The following ANKRD44 variants were observed in gnomAD, a reference collection of about 807,000 sequenced individuals.
ANKRD44 encodes ankyrin repeat domain 44, also known as serine/threonine-protein phosphatase 6 regulatory ankyrin repeat subunit B.
A neutral mutation model predicts 116.0 loss-of-function variants in ANKRD44; 35 were observed. That is an observed-to-expected ratio of 0.30 (90% confidence interval 0.23 to 0.40). The LOEUF is 0.40. ANKRD44 is among the 10% of genes least tolerant of loss of function. ANKRD44 has a pLI of 1.00. For missense variants in ANKRD44, 1,014 were observed against 1,242.6 expected (o/e 0.82, Z 2.77); for synonymous variants, 435 against 461.8 (o/e 0.94, Z 0.74).
chr2:197,141,195 C>T (rs1183245672), intron 3 of ANKRD44, among the ~76,000 whole-genome samples: 2 of 151,990 alleles, frequency 1.3e-5, no homozygotes, highest in Admixed American at 1.3e-4. Flanking sequence ...CCAGCCTGGG[C>T]GACAGAGCAA....
chr2:197,050,478 AG>A (rs2077086485), intron 16 of ANKRD44, among the ~76,000 whole-genome samples: 1 of 151,340 alleles, frequency 6.6e-6, no homozygotes, highest in Admixed American at 6.6e-5. Context: ...GCTGGAGTGC[AG>A]GGGTGTGATC....
intron 1 of ANKRD44, among the ~76,000 whole-genome samples, chr2:197,247,198 C>T (rs1295379797): frequency 6.6e-6 from 1 of 152,190 alleles, no homozygotes; most frequent in Non-Finnish European, 1.5e-5. Context: ...CAGGAAGTCT[C>T]ATCTCTGAAC....
At chr2:197,069,413 C>T (rs1387600506) in intron 16 of ANKRD44, among the ~76,000 whole-genome samples, 3 of 152,102 alleles carry the variant, frequency 2.0e-5, no homozygotes, top group Admixed American at 6.6e-5. Flanking sequence ...CAAACCTGCA[C>T]GTTGTGCACA....
intron 1 of ANKRD44, among the ~76,000 whole-genome samples, chr2:197,213,480 C>G (rs1675827230): frequency 6.6e-6 from 1 of 152,248 alleles, no homozygotes; most frequent in Non-Finnish European, 1.5e-5. Flanking sequence ...ACACATTTAA[C>G]CTTACCTAAA....
intron 16 of ANKRD44, among the ~76,000 whole-genome samples, chr2:197,040,783 A>C (rs183704279): frequency 6.6e-6 from 1 of 152,330 alleles, no homozygotes; most frequent in Admixed American, 6.5e-5. Flanking sequence ...GACATGAACC[A>C]GTTTTGTATC....
chr2:197,271,067 A>G (rs1313622004), intron 1 of ANKRD44, among the ~76,000 whole-genome samples: 2 of 152,228 alleles, frequency 1.3e-5, no homozygotes, highest in Non-Finnish European at 2.9e-5. Context: ...TGCTACTGCC[A>G]TCTTGAAATT....
At chr2:197,204,793 A>G (rs1296350876) in intron 1 of ANKRD44, among the ~76,000 whole-genome samples, 1 of 152,196 alleles carries the variant, frequency 6.6e-6, no homozygotes, top group East Asian at 1.9e-4. Context: ...GAAAAGAAAA[A>G]CCTTTGAAGG....
intron 2 of ANKRD44, among the ~76,000 whole-genome samples, chr2:197,180,410 C>T (rs1417449813): frequency 1.3e-5 from 2 of 152,288 alleles, no homozygotes; most frequent in African/African-American, 4.8e-5. Context: ...CTGCAGGGTG[C>T]TTGATGAGAG....
chr2:197,110,695 C>T, intron 9 of ANKRD44, 71 bp downstream of exon 9: 1 of 1,245,548 alleles, frequency 8.0e-7, no homozygotes, highest in Non-Finnish European at 1.2e-6. Flanking sequence ...CTTTCATATG[C>T]AGGTGACTGA....
At chr2:197,248,981 C>T (rs2082258130) in intron 1 of ANKRD44, among the ~76,000 whole-genome samples, 1 of 152,084 alleles carries the variant, frequency 6.6e-6, no homozygotes, top group Non-Finnish European at 1.5e-5. Context: ...TTATGAAAAT[C>T]CCACTAGCTG....
At chr2:197,285,057 T>C (rs1280955422) in intron 1 of ANKRD44, among the ~76,000 whole-genome samples, 1 of 151,670 alleles carries the variant, frequency 6.6e-6, no homozygotes, top group Non-Finnish European at 1.5e-5. Context: ...TCTAGAAGGC[T>C]CCCTAAAAGA....
At position 197,174,647 on chromosome 2, in the gene ANKRD44, G is replaced by A. The variant is rs72926669; in HGVS notation, c.111+12376C>T. Among the ~76,000 whole-genome samples, 715 of 152,322 alleles carry A rather than the reference G, an allele frequency of 4.7e-3. 2 individuals carry two copies. The highest frequency in any genetic ancestry group is 0.014 in the Middle Eastern group (4 of 294). On this transcript the variant is annotated intron_variant, in intron 2 of 27. Transcript: ENST00000282272. ...AGGCGGGGAGGGAGGTGATGTGTCA[G>A]GGAGATTAAAAGAGGCTTCAGCTCT...
At chr2:197,013,412 A>G in intron 18 of ANKRD44, 99 bp downstream of exon 18, 1 of 1,334,104 alleles carries the variant, frequency 7.5e-7, no homozygotes, top group South Asian at 1.4e-5. Flanking sequence ...GAAAATTGAT[A>G]TTTAAAAAAC....
intron 1 of ANKRD44, among the ~76,000 whole-genome samples, chr2:197,192,304 T>G (rs1314745558): frequency 6.6e-6 from 1 of 152,194 alleles, no homozygotes; most frequent in African/African-American, 2.4e-5. Flanking sequence ...TGCTCCAGCA[T>G]TTCATTCTAG....
Position 197,013,532 on chromosome 2 carries a change from T to C in ANKRD44, c.1903A>G (p.Arg635Gly). Residue 635 changes from arginine (R) to glycine (G), a missense_variant, in exon 18 of 28, where the codon AGA (arginine) becomes GGA (glycine). Physicochemically the swap from Arg to Gly is moderately radical, Grantham distance 125 (BLOSUM62 -2). Coordinates refer to ENST00000282272, the MANE Select transcript of ANKRD44 (RefSeq NM_001195144.2). ...SIFVKDNVTK[R>G]TPLHASVING... ...CTACCTGAGGCATGAAGTGGGGTTC[T>C]TTTGGTTACATTGTCTTTCACAAAG... The C allele has an allele frequency of 6.2e-7, 1 of 1,614,244 alleles. No individual in the cohort carries two copies. The highest frequency in any genetic ancestry group is 8.5e-7 in the Non-Finnish European group (1 of 1,180,042).
chr2:197,183,760 C>T (rs1183237245), intron 2 of ANKRD44, among the ~76,000 whole-genome samples: 1 of 151,754 alleles, frequency 6.6e-6, no homozygotes, highest in Non-Finnish European at 1.5e-5. Context: ...CTCAGGCCCT[C>T]CTTGTGTTCT....
chr2:197,224,686 T>C (rs555860796), intron 1 of ANKRD44, among the ~76,000 whole-genome samples: 2 of 152,356 alleles, frequency 1.3e-5, no homozygotes, highest in South Asian at 4.1e-4. Flanking sequence ...TAACACCCAA[T>C]ATATCTATTT....
At chr2:197,276,958 C>T (rs995735636) in intron 1 of ANKRD44, among the ~76,000 whole-genome samples, 2 of 147,536 alleles carry the variant, frequency 1.4e-5, no homozygotes, top group East Asian at 2.0e-4. Flanking sequence ...GATGGAGTCT[C>T]GCTCTGTTGC....
At chr2:197,137,512 T>C (rs887615525) in intron 3 of ANKRD44, among the ~76,000 whole-genome samples, 3 of 152,210 alleles carry the variant, frequency 2.0e-5, no homozygotes, top group African/African-American at 7.2e-5. Context: ...ATAGAAACTT[T>C]TTTAAAAGGC....
Sources: gnomAD v4.1 joint callset for allele counts (sites outside exome capture counted in the v4.1 genomes callset) on GRCh38, gnomAD v4.1.1 for gene constraint, MANE v1.5 for transcripts, NCBI Gene and HGNC (gene_info 2026-07-23, HGNC 2026-07-21) for gene names.